Variants in LRRTM4 observed in about 807,000 individuals in gnomAD.
LRRTM4 encodes leucine rich repeat transmembrane neuronal 4.
Under a neutral mutation model 47.6 loss-of-function variants are expected in LRRTM4, and 25 were observed. That is an observed-to-expected ratio of 0.53 (90% CI 0.38 to 0.73). The LOEUF (loss-of-function observed/expected upper bound fraction) is 0.73, where lower values mean the gene tolerates loss of function less well. Among genes scored for constraint, LRRTM4 ranks in the 30% least tolerant of loss-of-function variants. The probability of loss-of-function intolerance (pLI) is 0.00; values close to 1 mark genes in which losing one functional copy is unlikely to be tolerated. For missense variants in LRRTM4, 638 were observed against 713.4 expected (o/e 0.89, Z 1.20); for synonymous variants, 311 against 269.5 (o/e 1.15, Z -1.51).
rs72917990 is a variant in LRRTM4 at position 77,370,428 on chromosome 2, T to G, written c.1551+147890A>C. Among the ~76,000 whole-genome samples the G allele has an allele frequency of 1.4e-3, 217 of 151,910 alleles. 1 individual carries two copies. Among genetic ancestry groups the G allele is most frequent in the African/African-American group, 5.1e-3 (210 of 41,516 alleles). ...AACATAAACCTTTGCAGAAAGTTGA[T>G]TTGATAGTAATCTCAATGCTTCTAA... On this transcript the variant is annotated intron_variant, in intron 3 of 3. Coordinates refer to ENST00000409884, the MANE Select transcript of LRRTM4 (RefSeq NM_001134745.3).
At chr2:77,363,254 T>C (rs1348663764) in intron 3 of LRRTM4, among the ~76,000 whole-genome samples, 1 of 152,198 alleles carries the variant, frequency 6.6e-6, no homozygotes, top group Non-Finnish European at 1.5e-5. Context: ...TTTTATAATA[T>C]GTAGTTGTCA....
chr2:76,768,152 T>C (rs1673530774), intron 3 of LRRTM4, among the ~76,000 whole-genome samples: 1 of 152,200 alleles, frequency 6.6e-6, no homozygotes, highest in African/African-American at 2.4e-5. Context: ...ATATAATTTA[T>C]GTAAGGCCTT....
At chr2:77,234,596 T>C (rs1461609098) in intron 3 of LRRTM4, among the ~76,000 whole-genome samples, 1 of 152,184 alleles carries the variant, frequency 6.6e-6, no homozygotes, top group Non-Finnish European at 1.5e-5. Context: ...TATAGGATCA[T>C]TTGGAATTAT....
At chr2:77,014,966 A>C (rs2104080924) in intron 3 of LRRTM4, among the ~76,000 whole-genome samples, 1 of 152,222 alleles carries the variant, frequency 6.6e-6, no homozygotes, top group African/African-American at 2.4e-5. Context: ...GTCTTTAGTA[A>C]TTGGATAAAC....
chr2:77,352,504 A>T (rs74409244), intron 3 of LRRTM4, among the ~76,000 whole-genome samples: 1,981 of 152,200 alleles, frequency 0.013, 20 homozygotes, highest in South Asian at 0.019. Context: ...TAAAGTACTC[A>T]CTATCCCAGG....
At chr2:76,836,636 A>C (rs1185692022) in intron 3 of LRRTM4, among the ~76,000 whole-genome samples, 1 of 152,066 alleles carries the variant, frequency 6.6e-6, no homozygotes. Flanking sequence ...ACTTAATTCT[A>C]ATAACATTTT....
intron 3 of LRRTM4, chr2:77,517,594 G>T: frequency 2.0e-6 from 2 of 983,714 alleles, no homozygotes; most frequent in Non-Finnish European, 2.4e-6. Flanking sequence ...CTTTGAAATC[G>T]GATCTATATC....
At chr2:76,908,036 G>A (rs1433902529) in intron 3 of LRRTM4, among the ~76,000 whole-genome samples, 3 of 151,304 alleles carry the variant, frequency 2.0e-5, no homozygotes, top group East Asian at 1.9e-4. Context: ...CAGAGACACA[G>A]CCAAAAAACA....
intron 3 of LRRTM4, among the ~76,000 whole-genome samples, chr2:76,917,530 G>A (rs188675775): frequency 1.3e-5 from 2 of 152,172 alleles, no homozygotes; most frequent in African/African-American, 4.8e-5. Context: ...GAGGTGTTTG[G>A]GGTTTCTTAA....
intron 3 of LRRTM4, among the ~76,000 whole-genome samples, chr2:76,823,656 G>A (rs75520798): frequency 0.03 from 4,412 of 149,288 alleles, 205 homozygotes; most frequent in African/African-American, 0.092. Flanking sequence ...GTGTTCTTCC[G>A]TTCATTGAGA....
At chr2:77,058,013 TTTTTGTCAATA>T (rs1326501517) in intron 3 of LRRTM4, among the ~76,000 whole-genome samples, 2 of 152,278 alleles carry the variant, frequency 1.3e-5, no homozygotes, top group East Asian at 1.9e-4. Flanking sequence ...CTCCAATAAA[TTTTTGTCAATA>T]TTTTGTCAAT....
At chr2:77,149,923 A>G (rs1045713377) in intron 3 of LRRTM4, among the ~76,000 whole-genome samples, 1 of 152,116 alleles carries the variant, frequency 6.6e-6, no homozygotes, top group Non-Finnish European at 1.5e-5. Context: ...ACTTACATAC[A>G]TTACTGACTT....
At chr2:77,311,011 A>T (rs1490949539) in intron 3 of LRRTM4, among the ~76,000 whole-genome samples, 1 of 151,746 alleles carries the variant, frequency 6.6e-6, no homozygotes, top group East Asian at 1.9e-4. Context: ...TAGAGAGAGA[A>T]TATTATGTGT....
intron 3 of LRRTM4, among the ~76,000 whole-genome samples, chr2:76,987,651 G>C (rs948365163): frequency 1.3e-5 from 2 of 151,854 alleles, no homozygotes; most frequent in African/African-American, 2.4e-5. Context: ...AGAAAAATGA[G>C]AGATAAATGT....
chr2:77,233,868 C>A (rs1573116064), intron 3 of LRRTM4, among the ~76,000 whole-genome samples: 1 of 152,142 alleles, frequency 6.6e-6, no homozygotes, highest in East Asian at 1.9e-4. Flanking sequence ...CTCACTGCAA[C>A]CTCCGCGTCC....
chr2:76,932,773 A>C (rs1163345229), intron 3 of LRRTM4, among the ~76,000 whole-genome samples: 1 of 151,802 alleles, frequency 6.6e-6, no homozygotes, highest in Non-Finnish European at 1.5e-5. Context: ...GTGTGTATAC[A>C]CACAAAAGAG....
chr2:77,229,369 A>G (rs114035121), intron 3 of LRRTM4, among the ~76,000 whole-genome samples: 1,648 of 152,144 alleles, frequency 0.011, 33 homozygotes, highest in African/African-American at 0.038. Context: ...CAATTTCTTA[A>G]CTTTCTACGA....
intron 3 of LRRTM4, among the ~76,000 whole-genome samples, chr2:77,157,734 T>A (rs981281806): frequency 2.0e-5 from 3 of 152,256 alleles, no homozygotes; most frequent in South Asian, 2.1e-4. Flanking sequence ...GTGATCCTTA[T>A]GGAAGAAAAC....
At chr2:76,996,943 A>T (rs1677224124) in intron 3 of LRRTM4, among the ~76,000 whole-genome samples, 4 of 152,148 alleles carry the variant, frequency 2.6e-5, no homozygotes. Flanking sequence ...GATAAACAGC[A>T]CATATCAAGC....
Sources: allele counts gnomAD v4.1 joint callset (sites outside exome capture counted in the v4.1 genomes callset), GRCh38; gene constraint gnomAD v4.1.1; transcripts MANE v1.5; gene names NCBI Gene and HGNC (gene_info 2026-07-23, HGNC 2026-07-21).